Variants in TAFA5 observed in about 807,000 individuals in gnomAD.
The protein encoded by TAFA5 is TAFA chemokine like family member 5, also known as chemokine-like protein TAFA-5.
Under a neutral mutation model 15.3 loss-of-function variants are expected in TAFA5, and 6 were observed. That is an observed-to-expected ratio of 0.39 (90% CI 0.21 to 0.77). The LOEUF is 0.77. Ranked by LOEUF, TAFA5 falls within the 30% of genes least tolerant of loss-of-function variation. The pLI, the probability that TAFA5 is intolerant of heterozygous loss-of-function variation, is 0.41. For missense variants in TAFA5, 161 were observed against 193.1 expected (o/e 0.83, Z 0.98); for synonymous variants, 103 against 80.7 (o/e 1.28, Z -1.48).
chr22:48,750,181 G>T lies in TAFA5; in HGVS notation c.*334G>T. The T allele has an allele frequency of 2.4e-6, 1 of 416,308 alleles. No homozygotes were observed. The highest frequency in any genetic ancestry group is 4.4e-6 in the Non-Finnish European group (1 of 229,414). The allele number at this position is 416,308 out of a possible 1,614,324, so 25.8% of individuals were successfully genotyped here. On this transcript the variant is annotated 3_prime_UTR_variant, in exon 4 of 4. Coordinates refer to ENST00000402357, the MANE Select transcript of TAFA5 (RefSeq NM_001082967.3). ...AGGAGGAGGAGGAGGAGGCAGCTCC[G>T]GCAGCCACAGAAGGCTGCAGCCCAG...
chr22:48,721,931 C>G (rs1273240653), intron 3 of TAFA5, among the ~76,000 whole-genome samples: 1 of 152,046 alleles, frequency 6.6e-6, no homozygotes, highest in Non-Finnish European at 1.5e-5. Context: ...GAACCGAAAT[C>G]ACACCACTGC....
chr22:48,576,684 C>T lies in TAFA5; in HGVS notation c.113-69913C>T, dbSNP rs996967853. 7.7e-6 allele frequency: 9 copies of T among 1,175,290 alleles called. No homozygotes were observed. The African/African-American group carries it at 1.3e-4, about 17-fold the overall frequency. 72.8% of individuals were successfully genotyped at this position (1,175,290 alleles called of 1,614,324 possible). On this transcript the variant is annotated intron_variant, in intron 1 of 3. Coordinates refer to ENST00000402357, the MANE Select transcript of TAFA5 (RefSeq NM_001082967.3). The stretch of plus-strand genomic sequence containing the variant: ...CCGCTGCCGCCGCGCTCGGCTGAGG[C>T]TCGTGGAGCGCCACTGCGGGCCCGG...
intron 2 of TAFA5, among the ~76,000 whole-genome samples, chr22:48,654,475 A>G (rs5771895): frequency 0.8 from 121,763 of 152,054 alleles, 48,935 homozygotes; most frequent in East Asian, 0.92. Flanking sequence ...GGGACAGCTT[A>G]TGCCTGCTCC....
intron 3 of TAFA5, among the ~76,000 whole-genome samples, chr22:48,711,785 C>G (rs1200387087): frequency 6.6e-6 from 1 of 152,218 alleles, no homozygotes; most frequent in African/African-American, 2.4e-5. Flanking sequence ...AGGCCTGATG[C>G]AGGCAGCCAC....
chr22:48,584,681 T>C (rs796118251), intron 1 of TAFA5, among the ~76,000 whole-genome samples: 3 of 119,166 alleles, frequency 2.5e-5, no homozygotes, highest in East Asian at 5.5e-4. Context: ...CACACACACA[T>C]ACACCACAAA....
At chr22:48,615,836 GC>G (rs1261558403) in intron 1 of TAFA5, among the ~76,000 whole-genome samples, 2 of 152,318 alleles carry the variant, frequency 1.3e-5, no homozygotes, top group East Asian at 3.9e-4. Flanking sequence ...CTCCCAGCCA[GC>G]CCTCTCTGCA....
chr22:48,602,905 C>T (rs1274346561), intron 1 of TAFA5, among the ~76,000 whole-genome samples: 3 of 152,178 alleles, frequency 2.0e-5, no homozygotes, highest in Non-Finnish European at 4.4e-5. Flanking sequence ...GAGCCTCTGC[C>T]GATCTATGAG....
At chr22:48,618,867 G>A (rs1925707835) in intron 1 of TAFA5, among the ~76,000 whole-genome samples, 1 of 152,212 alleles carries the variant, frequency 6.6e-6, no homozygotes, top group African/African-American at 2.4e-5. Flanking sequence ...GACACCCTGG[G>A]TTCCCCATAG....
intron 1 of TAFA5, among the ~76,000 whole-genome samples, chr22:48,504,288 A>G (rs1920972407): frequency 6.6e-6 from 1 of 152,086 alleles, no homozygotes; most frequent in South Asian, 2.1e-4. Flanking sequence ...ATGTGTTTCC[A>G]TGAGATTGGG....
chr22:48,513,187 A>T (rs1388819594), intron 1 of TAFA5, among the ~76,000 whole-genome samples: 1 of 152,156 alleles, frequency 6.6e-6, no homozygotes, highest in East Asian at 1.9e-4. Context: ...CCCACCCTAC[A>T]CCGTCTACAG....
intron 3 of TAFA5, among the ~76,000 whole-genome samples, chr22:48,730,437 T>G (rs1350114400): frequency 1.3e-5 from 2 of 152,120 alleles, no homozygotes; most frequent in African/African-American, 2.4e-5. Context: ...GGAGCCAACA[T>G]GAGCAACAAA....
chr22:48,602,297 C>T (rs1162604535), intron 1 of TAFA5, among the ~76,000 whole-genome samples: 5 of 152,232 alleles, frequency 3.3e-5, no homozygotes, highest in African/African-American at 4.8e-5. Flanking sequence ...GGGGCCACCC[C>T]CCCACAAGCA....
At chr22:48,696,867 C>T (rs761060857) in intron 2 of TAFA5, among the ~76,000 whole-genome samples, 2 of 152,230 alleles carry the variant, frequency 1.3e-5, no homozygotes, top group African/African-American at 2.4e-5. Context: ...AGCACAGTCG[C>T]GCAAAGGCCC....
intron 1 of TAFA5, among the ~76,000 whole-genome samples, chr22:48,494,860 C>T (rs569436939): frequency 1.6e-4 from 24 of 152,212 alleles, no homozygotes; most frequent in African/African-American, 7.2e-5. Context: ...TTCACCCCGG[C>T]GAATGTGGTA....
chr22:48,632,331 C>A (rs1926261463), intron 1 of TAFA5, among the ~76,000 whole-genome samples: 1 of 152,138 alleles, frequency 6.6e-6, no homozygotes, highest in Non-Finnish European at 1.5e-5. Context: ...CAGTGAGAAA[C>A]CCAGTCCAGA....
intron 1 of TAFA5, among the ~76,000 whole-genome samples, chr22:48,507,781 G>C (rs866273231): frequency 4.6e-5 from 7 of 152,148 alleles, no homozygotes; most frequent in Non-Finnish European, 7.4e-5. Flanking sequence ...CGTGTGAGGA[G>C]CCCCTGCCTG....
At chr22:48,740,613 C>T (rs531173919) in intron 3 of TAFA5, among the ~76,000 whole-genome samples, 3 of 152,264 alleles carry the variant, frequency 2.0e-5, no homozygotes, top group Admixed American at 2.0e-4. Flanking sequence ...GAAGGTCCAG[C>T]ACCGTCACTG....
intron 3 of TAFA5, among the ~76,000 whole-genome samples, chr22:48,735,152 G>A (rs972764482): frequency 1.4e-4 from 22 of 152,318 alleles, no homozygotes; most frequent in African/African-American, 5.1e-4. Context: ...ACGGAGGCAC[G>A]GAGGTGCTAA....
chr22:48,567,617 C>T (rs1222564030), intron 1 of TAFA5, among the ~76,000 whole-genome samples: 2 of 152,040 alleles, frequency 1.3e-5, no homozygotes, highest in African/African-American at 4.8e-5. Context: ...CAGGCCTGCT[C>T]CTCCAAAGGT....
Sources: allele counts gnomAD v4.1 joint callset (sites outside exome capture counted in the v4.1 genomes callset), GRCh38; gene constraint gnomAD v4.1.1; transcripts MANE v1.5; gene names NCBI Gene and HGNC (gene_info 2026-07-23, HGNC 2026-07-21).